Variants in MCTP1 observed in about 807,000 individuals in gnomAD.
The protein encoded by MCTP1 is multiple C2 and transmembrane domain containing 1, also known as multiple C2 and transmembrane domain-containing protein 1.
MCTP1 carries 69 observed loss-of-function variants against 120.6 expected under a neutral mutation model. That is an observed-to-expected ratio of 0.57 (90% CI 0.47 to 0.70). The LOEUF is 0.70. Ranked by LOEUF, MCTP1 falls within the 30% of genes least tolerant of loss-of-function variation. MCTP1 has a pLI of 0.00. For synonymous variants in MCTP1, 529 were observed against 493.1 expected (o/e 1.07, Z -0.96); for missense variants, 1,203 against 1,248.8 (o/e 0.96, Z 0.55).
intron 1 of MCTP1, among the ~76,000 whole-genome samples, chr5:95,027,775 G>C (rs1227692460): frequency 6.6e-6 from 1 of 152,126 alleles, no homozygotes; most frequent in Non-Finnish European, 1.5e-5. Context: ...TACCTCTTCT[G>C]GCCTTCTTTG....
chr5:95,211,292 C>T (rs185179821), intron 1 of MCTP1, among the ~76,000 whole-genome samples: 24,960 of 151,240 alleles, frequency 0.17, 2,324 homozygotes, highest in Non-Finnish European at 0.21. Context: ...TTCCATTCTC[C>T]CTGTCACTTT....
chr5:95,041,877 A>G (rs72777398), intron 1 of MCTP1, among the ~76,000 whole-genome samples: 10,439 of 152,096 alleles, frequency 0.069, 493 homozygotes, highest in African/African-American at 0.1. Context: ...TTTACAGGAG[A>G]ATATTATTCA....
intron 1 of MCTP1, among the ~76,000 whole-genome samples, chr5:95,103,708 CTCCAATGTAGGGGATTCCAAGTAAT>C: frequency 1.3e-5 from 2 of 152,262 alleles, no homozygotes; most frequent in Middle Eastern, 6.8e-3. Context: ...ATCAGCATGT[CTCCAATGTAGGGGATTCCAAGTAAT>C]AAAATCCAGG....
At chr5:94,718,668 A>G (rs749925338) in intron 19 of MCTP1, among the ~76,000 whole-genome samples, 1 of 152,184 alleles carries the variant, frequency 6.6e-6, no homozygotes, top group African/African-American at 2.4e-5. Context: ...CAAGAAAAAA[A>G]TCATTAAAAA....
chr5:95,074,111 G>A (rs1052775691), intron 1 of MCTP1, among the ~76,000 whole-genome samples: 6 of 152,142 alleles, frequency 3.9e-5, no homozygotes, highest in East Asian at 3.9e-4. Context: ...GTGAGACTCC[G>A]TCTCAAGAAA....
At chr5:95,002,944 G>A (rs1424852934) in intron 2 of MCTP1, among the ~76,000 whole-genome samples, 2 of 152,204 alleles carry the variant, frequency 1.3e-5, no homozygotes, top group East Asian at 3.9e-4. Context: ...CATGTCATGG[G>A]AGGGAACTGG....
chr5:95,179,334 T>C (rs1278081370), intron 1 of MCTP1, among the ~76,000 whole-genome samples: 1 of 152,134 alleles, frequency 6.6e-6, no homozygotes, highest in African/African-American at 2.4e-5. Flanking sequence ...TCAAAGAACA[T>C]CCAGGAAATT....
intron 1 of MCTP1, among the ~76,000 whole-genome samples, chr5:95,183,923 C>T (rs1309467137): frequency 6.6e-6 from 1 of 151,692 alleles, no homozygotes; most frequent in Non-Finnish European, 1.5e-5. Flanking sequence ...TGGCAAACAC[C>T]GCATGTTCTC....
At chr5:95,140,879 CAAAA>C (rs33910299) in intron 1 of MCTP1, among the ~76,000 whole-genome samples, 4 of 45,342 alleles carry the variant, frequency 8.8e-5, no homozygotes, top group Admixed American at 3.3e-4. Context: ...GACTCCGTCT[CAAAA>C]AAAAAAAAAA....
At chr5:95,100,532 A>G (rs1307818567) in intron 1 of MCTP1, among the ~76,000 whole-genome samples, 2 of 152,244 alleles carry the variant, frequency 1.3e-5, no homozygotes, top group Non-Finnish European at 2.9e-5. Context: ...GTCACAAACC[A>G]CAAGAAAATA....
chr5:95,146,010 T>A (rs1760359167), intron 1 of MCTP1, among the ~76,000 whole-genome samples: 1 of 152,172 alleles, frequency 6.6e-6, no homozygotes, highest in African/African-American at 2.4e-5. Flanking sequence ...TGTTAATCCA[T>A]CTGGTCCATG....
chr5:94,845,581 G>A (rs747933436), intron 17 of MCTP1, among the ~76,000 whole-genome samples: 114 of 152,138 alleles, frequency 7.5e-4, no homozygotes, highest in Non-Finnish European at 1.4e-3. Context: ...GTCTCACTCT[G>A]TCACCCAGGC....
intron 3 of MCTP1, among the ~76,000 whole-genome samples, chr5:94,945,035 C>A (rs1277222176): frequency 1.3e-5 from 2 of 152,058 alleles, no homozygotes; most frequent in Non-Finnish European, 2.9e-5. Flanking sequence ...ATGTTATTTT[C>A]CCCCCAAATC....
chr5:95,254,252 G>A (rs777661991), intron 1 of MCTP1, among the ~76,000 whole-genome samples: 3 of 152,028 alleles, frequency 2.0e-5, no homozygotes, highest in Admixed American at 6.6e-5. Context: ...CATTTGTTAC[G>A]GCTAACATTT....
At chr5:95,228,995 G>C (rs1212974645) in intron 1 of MCTP1, among the ~76,000 whole-genome samples, 1 of 152,146 alleles carries the variant, frequency 6.6e-6, no homozygotes, top group Non-Finnish European at 1.5e-5. Flanking sequence ...GTATTTCTTT[G>C]TAGCAATGCA....
chr5:95,081,999 A>T (rs139816133), intron 1 of MCTP1: 2 of 186,106 alleles, frequency 1.1e-5, no homozygotes, highest in African/African-American at 2.4e-5. Context: ...AAAGACATCT[A>T]AAAAAAAAAG....
At chr5:95,274,854 A>T (rs1027526774) in intron 1 of MCTP1, among the ~76,000 whole-genome samples, 1 of 151,878 alleles carries the variant, frequency 6.6e-6, no homozygotes, top group African/African-American at 2.4e-5. Flanking sequence ...CGATCTCCTG[A>T]CCTCGTGATC....
At chr5:94,777,007 G>C (rs535204022) in intron 19 of MCTP1, among the ~76,000 whole-genome samples, 1 of 144,832 alleles carries the variant, frequency 6.9e-6, no homozygotes, top group Non-Finnish European at 1.6e-5. Flanking sequence ...TTACATTTGA[G>C]ATTTTATTCA....
chr5:94,950,033 A>G (rs1196129006), intron 3 of MCTP1, among the ~76,000 whole-genome samples: 1 of 152,170 alleles, frequency 6.6e-6, no homozygotes, highest in African/African-American at 2.4e-5. Context: ...AAATAAAGCA[A>G]AAAGTTAGAG....
Sources: allele counts gnomAD v4.1 joint callset (sites outside exome capture counted in the v4.1 genomes callset), GRCh38; gene constraint gnomAD v4.1.1; transcripts MANE v1.5; gene names NCBI Gene and HGNC (gene_info 2026-07-23, HGNC 2026-07-21).